TMEM240: variants seen among roughly 807,000 people sequenced by gnomAD.
TMEM240 encodes the protein transmembrane protein C1orf70.
TMEM240 carries 3 observed loss-of-function variants against 19.5 expected under a neutral mutation model. That is an observed-to-expected ratio of 0.15 (90% CI 0.07 to 0.40). TMEM240 has a LOEUF of 0.40. Among genes scored for constraint, TMEM240 ranks in the 10% least tolerant of loss-of-function variants. The probability of loss-of-function intolerance (pLI) is 1.00; values close to 1 mark genes in which losing one functional copy is unlikely to be tolerated. For synonymous variants in TMEM240, 123 were observed against 109.3 expected (o/e 1.13, Z -0.78); for missense variants, 210 against 253.5 (o/e 0.83, Z 1.17).
chr1:1,537,259 G>C (rs1642236306), intron 2 of TMEM240, among the ~76,000 whole-genome samples: 1 of 152,066 alleles, frequency 6.6e-6, no homozygotes. Flanking sequence ...TTCAGTGGCA[G>C]GGCTCTCGGT....
chr1:1,540,176 AGGCCGGGGAGGGGAGCG>A, intron 1 of TMEM240, 97 bp downstream of exon 1: 1 of 268,826 alleles, frequency 3.7e-6, no homozygotes, highest in Non-Finnish European at 4.8e-6. Context: ...AGGGGAGCGC[AGGCCGGGGAGGGGAGCG>A]CAGGCCGCAC....
intron 2 of TMEM240, chr1:1,538,924 C>A (rs1571150): frequency 0.41 from 62,370 of 152,098 alleles, 14,327 homozygotes; most frequent in African/African-American, 0.6. Flanking sequence ...CCTCCGTCCA[C>A]TTCCTCATCT....
Position 1,540,342 on chromosome 1 carries a change from G to A in TMEM240, c.5C>T (p.Ser2Phe). The A allele has an allele frequency of 1.6e-6, 2 of 1,255,342 alleles. No individual in the cohort carries two copies. Among genetic ancestry groups the A allele is most frequent in the Non-Finnish European group, 1.0e-6 (1 of 990,904 alleles). The allele number at this position is 1,255,342 out of a possible 1,614,324, so 77.8% of individuals were successfully genotyped here. The change falls in exon 1 of 4, where the codon TCC (serine) becomes TTC (phenylalanine). Residue 2 changes from serine (S) to phenylalanine (F), a missense_variant. Ser to Phe is a radical substitution (Grantham distance 155). This residue lies in a region of TMEM240 where 30 missense variants were observed against 27.7 expected (regional missense o/e 1.08). Coordinates refer to ENST00000378733, the MANE Select transcript of TMEM240 (RefSeq NM_001114748.2). ...GAAGATCATGGTGTTCGCGCTCATG[G>A]ACATCGGGCGGGGCCGGGCCGGGCC... M[S>F]MSANTMIFMI...
In TMEM240 at chr1:1,535,529, C is replaced by CA. The variant is rs1642202723; in HGVS notation, c.374-23dup. ...CCATCTGCGGGGGGACAGGGGCGGT[C>CA]AGGCGGCTGGGGCCGGCCAGGGCGG... is the stretch of plus-strand genomic sequence containing the variant. On this transcript the variant is annotated intron_variant, in intron 3 of 3. Coordinates refer to ENST00000378733, the MANE Select transcript of TMEM240 (RefSeq NM_001114748.2). This position sits in a 1 kb window ranked among gnomAD's most constrained non-coding sequence, Gnocchi z 8.2. 1.3e-6 allele frequency: 2 copies of CA among 1,538,254 alleles called. No individual in the cohort carries two copies. Among genetic ancestry groups the CA allele is most frequent in the South Asian group, 1.2e-5 (1 of 82,878 alleles).
At chr1:1,539,395 T>C in intron 2 of TMEM240, 1 of 461,626 alleles carries the variant, frequency 2.2e-6, no homozygotes, top group Non-Finnish European at 4.0e-6. Flanking sequence ...GGGTCTCCAC[T>C]GTGGACATCA....
In TMEM240 at chr1:1,535,163, C is replaced by T. The variant is rs1642191400; in HGVS notation, c.*196G>A. The T allele has an allele frequency of 8.7e-6, 5 of 574,420 alleles. No individual in the cohort carries two copies. The East Asian group carries it at 1.7e-4, about 20-fold the overall frequency. 35.6% of individuals were successfully genotyped at this position (574,420 alleles called of 1,614,324 possible). The stretch of plus-strand genomic sequence containing the variant: ...GGGTCTCCCCTAACCCAACCCCCAC[C>T]CTAGCCCACACCCCAACCCCCTTTA... On this transcript the variant is annotated 3_prime_UTR_variant, in exon 4 of 4. Coordinates refer to ENST00000378733, the MANE Select transcript of TMEM240 (RefSeq NM_001114748.2). The surrounding 1 kb of genome is among the most constrained non-coding windows in gnomAD (Gnocchi z 8.2).
chr1:1,535,867 C>T lies in TMEM240; in HGVS notation c.165-70G>A. On this transcript the variant is annotated intron_variant, in intron 2 of 3. Coordinates refer to ENST00000378733, the MANE Select transcript of TMEM240 (RefSeq NM_001114748.2). This position sits in a 1 kb window ranked among gnomAD's most constrained non-coding sequence, Gnocchi z 8.2. ...CCTGGCCTTCCCCCGGGGCGCCTAC[C>T]CCGTGGTGGGGGTGTGACCGCGTCA... 2 of 1,421,098 alleles carry T rather than the reference C, an allele frequency of 1.4e-6. No homozygotes were observed. Among genetic ancestry groups the T allele is most frequent in the Non-Finnish European group, 1.9e-6 (2 of 1,033,502 alleles). The allele number at this position is 1,421,098 out of a possible 1,614,324, so 88.0% of individuals were successfully genotyped here.
In TMEM240 at chr1:1,535,807, G is replaced by GCAGGGCAC; in HGVS notation, c.165-11_165-10insGTGCCCTG. The GCAGGGCAC allele has an allele frequency of 6.5e-7, 1 of 1,548,878 alleles. No homozygotes were observed. The highest frequency in any genetic ancestry group is 8.7e-7 in the Non-Finnish European group (1 of 1,146,050). The stretch of plus-strand genomic sequence containing the variant: ...GTAGTGGATATGGTGCCTGGGGGCG[G>GCAGGGCAC]CAGGGCGGGCTGGCACCTCTCCCGC... On this transcript the variant is annotated splice_polypyrimidine_tract_variant and intron_variant, in intron 2 of 3. Coordinates refer to ENST00000378733, the MANE Select transcript of TMEM240 (RefSeq NM_001114748.2). This position sits in a 1 kb window ranked among gnomAD's most constrained non-coding sequence, Gnocchi z 8.2.
chr1:1,538,560 T>C (rs1021128820), intron 2 of TMEM240, among the ~76,000 whole-genome samples: 7 of 152,190 alleles, frequency 4.6e-5, no homozygotes, highest in Non-Finnish European at 8.8e-5. Context: ...ACCTCAGGCC[T>C]TTGCTCAGCA....
At chr1:1,539,345 CA>C (rs1642266871) in intron 2 of TMEM240, 1 of 335,718 alleles carries the variant, frequency 3.0e-6, no homozygotes, top group Non-Finnish European at 5.6e-6. Flanking sequence ...AGCCCTGTGC[CA>C]GCAGGCGCTT....
Position 1,536,573 on chromosome 1 carries a change from A to T in TMEM240, c.165-776T>A, listed in dbSNP as rs1436069874. Among the ~76,000 whole-genome samples, 1 of 152,100 alleles carries T rather than the reference A, an allele frequency of 6.6e-6. No individual in the cohort carries two copies. The highest frequency in any genetic ancestry group is 1.5e-5 in the Non-Finnish European group (1 of 67,986). On this transcript the variant is annotated intron_variant, in intron 2 of 3. Coordinates refer to ENST00000378733, the MANE Select transcript of TMEM240 (RefSeq NM_001114748.2). This position sits in a 1 kb window ranked among gnomAD's most constrained non-coding sequence, Gnocchi z 5.4. ...CTCCCCTCCCCGGGCTCTTGGGGGA[A>T]CTGCCCAGGCTCAGGCCACAACAGC...
chr1:1,538,388 C>T (rs1642253774), intron 2 of TMEM240, among the ~76,000 whole-genome samples: 1 of 152,228 alleles, frequency 6.6e-6, no homozygotes, highest in African/African-American at 2.4e-5. Flanking sequence ...GCCCTACATG[C>T]CCTGTGCAAA....
Position 1,536,391 on chromosome 1 carries a change from CG to C in TMEM240, c.165-595del, listed in dbSNP as rs969902777. Among the ~76,000 whole-genome samples the C allele has an allele frequency of 6.6e-6, 1 of 152,158 alleles. No homozygotes were observed. Among genetic ancestry groups the C allele is most frequent in the African/African-American group, 2.4e-5 (1 of 41,430 alleles). ...CCCTGGGAGGTGCTGTCGGAGGCCA[CG>C]GGGGCTCTACCCAGCACCCCATCCT... On this transcript the variant is annotated intron_variant, in intron 2 of 3. Transcript: ENST00000378733. The surrounding 1 kb of genome is among the most constrained non-coding windows in gnomAD (Gnocchi z 5.4).
chr1:1,535,012 G>C lies in TMEM240; in HGVS notation c.*347C>G, dbSNP rs1367786941. Among the ~76,000 whole-genome samples the C allele has an allele frequency of 2.0e-5, 3 of 147,606 alleles. No homozygotes were observed. In the Admixed American group the frequency reaches 2.1e-4, roughly 10 times the overall value. On this transcript the variant is annotated 3_prime_UTR_variant, in exon 4 of 4. Coordinates refer to ENST00000378733, the MANE Select transcript of TMEM240 (RefSeq NM_001114748.2). The surrounding 1 kb of genome is among the most constrained non-coding windows in gnomAD (Gnocchi z 8.2). ...AGCGCCTTCAAACAGATGCTGGCCC[G>C]GGCCGCGCGCCTCGCCGCCCCTGCC...
rs1429435175 is a variant in TMEM240 at position 1,535,380 on chromosome 1, G to C, written c.501C>G (p.His167Gln). The C allele has an allele frequency of 3.2e-6, 5 of 1,549,764 alleles. No homozygotes were observed. The highest frequency in any genetic ancestry group is 4.4e-6 in the Non-Finnish European group (5 of 1,146,462). Residue 167 changes from histidine (H) to glutamine (Q), a missense_variant, in exon 4 of 4, where the codon CAC becomes CAG. Around this residue, in one of 3 missense-constraint regions of TMEM240, gnomAD observed 157 missense variants for 168.2 expected, o/e 0.93. Coordinates refer to ENST00000378733, the MANE Select transcript of TMEM240 (RefSeq NM_001114748.2). This position sits in a 1 kb window ranked among gnomAD's most constrained non-coding sequence, Gnocchi z 8.2. ...HVKQKLYHNG[H>Q]PSPRHL ...CGGCTCACAGGTGCCGCGGGCTGGG[G>C]TGGCCATTGTGGTAGAGTTTCTGCT...
At position 1,540,296 on chromosome 1, in the gene TMEM240, G is replaced by T. The variant is rs765903978; in HGVS notation, c.51C>A (p.Val17=). 2 of 1,342,882 alleles carry T rather than the reference G, an allele frequency of 1.5e-6. No homozygotes were observed. The highest frequency in any genetic ancestry group is 1.5e-5 in the African/African-American group (1 of 64,620). 83.2% of individuals were successfully genotyped at this position (1,342,882 alleles called of 1,614,324 possible). A position where few individuals can be genotyped will look rare whatever the true frequency, so the allele number is the denominator to read the frequency against. ...GGGAAGCCCCTCCGCTCACCATCACGACCGACGCCCCCAGAATCATGAAGA... is the reference window on the plus strand; with the variant it reads ...GGGAAGCCCCTCCGCTCACCATCACTACCGACGCCCCCAGAATCATGAAGA... The part of the protein sequence containing the change: ...TMIFMILGAS[V]VMAIACLMDM... Residue 17 remains valine, a synonymous_variant, in exon 1 of 4, where the codon GTC becomes GTA. Coordinates refer to ENST00000378733, the MANE Select transcript of TMEM240 (RefSeq NM_001114748.2).
At chr1:1,538,387 G>A (rs1488932822) in intron 2 of TMEM240, among the ~76,000 whole-genome samples, 1 of 152,194 alleles carries the variant, frequency 6.6e-6, no homozygotes, top group Non-Finnish European at 1.5e-5. Flanking sequence ...CGCCCTACAT[G>A]CCCTGTGCAA....
chr1:1,538,254 A>T (rs1001413772), intron 2 of TMEM240, among the ~76,000 whole-genome samples: 1 of 152,236 alleles, frequency 6.6e-6, no homozygotes, highest in Admixed American at 6.5e-5. Context: ...TGAACAGAGC[A>T]TAGATACATG....
rs774249162 is a variant in TMEM240 at position 1,535,835 on chromosome 1, C to T, written c.165-38G>A. The T allele has an allele frequency of 2.2e-5, 33 of 1,532,068 alleles. 1 individual carries two copies. The highest frequency in any genetic ancestry group is 7.2e-5 in the South Asian group (6 of 83,714). The allele number at this position is 1,532,068 out of a possible 1,614,324, so 94.9% of individuals were successfully genotyped here. A position where few individuals can be genotyped will look rare whatever the true frequency, so the allele number is the denominator to read the frequency against. Reference sequence around the variant, plus strand: ...GGGCGGGCTGGCACCTCTCCCGCCACCCCCGGCCTGGCCTTCCCCCGGGGC... The same window carrying T: ...GGGCGGGCTGGCACCTCTCCCGCCATCCCCGGCCTGGCCTTCCCCCGGGGC... On this transcript the variant is annotated intron_variant, in intron 2 of 3. Coordinates refer to ENST00000378733, the MANE Select transcript of TMEM240 (RefSeq NM_001114748.2). The surrounding 1 kb of genome is among the most constrained non-coding windows in gnomAD (Gnocchi z 8.2).
Sources: allele counts gnomAD v4.1 joint callset (sites outside exome capture counted in the v4.1 genomes callset), GRCh38; gene constraint gnomAD v4.1.1; regional missense constraint gnomAD v4.1.1; non-coding constraint Gnocchi (gnomAD v3.1); transcripts MANE v1.5; gene names NCBI Gene and HGNC (gene_info 2026-07-23, HGNC 2026-07-21).